Variants in SOX5 observed in about 807,000 individuals in gnomAD.
The protein encoded by SOX5 is SRY-box transcription factor 5.
SOX5 carries 9 observed loss-of-function variants against 92.0 expected under a neutral mutation model. That is an observed-to-expected ratio of 0.10 (90% CI 0.06 to 0.17). The LOEUF (loss-of-function observed/expected upper bound fraction) is 0.17, where lower values mean the gene tolerates loss of function less well. Ranked by LOEUF, SOX5 falls within the 10% of genes least tolerant of loss-of-function variation. The pLI, the probability that SOX5 is intolerant of heterozygous loss-of-function variation, is 1.00. For synonymous variants in SOX5, 344 were observed against 336.3 expected, an observed-to-expected ratio of 1.02 and a Z score of -0.25; for missense variants, 642 against 944.5, an observed-to-expected ratio of 0.68 and a Z score of 4.20.
At chr12:23,873,923 C>G (rs1417669508) in intron 2 of SOX5, among the ~76,000 whole-genome samples, 1 of 152,128 alleles carries the variant, frequency 6.6e-6, no homozygotes, top group African/African-American at 2.4e-5. Context: ...TTATAAAAAA[C>G]TCACCAGATG....
chr12:24,037,769 T>G (rs962836143), intron 4 of SOX5, among the ~76,000 whole-genome samples: 13 of 152,224 alleles, frequency 8.5e-5, no homozygotes, highest in Non-Finnish European at 2.9e-5. Context: ...TTATTCATTT[T>G]TACTAAAATA....
At chr12:24,474,562 G>A (rs1042343377) in intron 1 of SOX5, among the ~76,000 whole-genome samples, 8 of 152,206 alleles carry the variant, frequency 5.3e-5, no homozygotes, top group Non-Finnish European at 1.2e-4. Flanking sequence ...TTGAGACAGA[G>A]TCTAGCTCTG....
intron 4 of SOX5, among the ~76,000 whole-genome samples, chr12:24,165,706 T>C (rs962254162): frequency 6.6e-6 from 1 of 152,014 alleles, no homozygotes; most frequent in African/African-American, 2.4e-5. Context: ...GATGTGTAGG[T>C]TGATATGGCT....
At chr12:23,975,198 A>G (rs1052339068) in intron 4 of SOX5, among the ~76,000 whole-genome samples, 3 of 152,166 alleles carry the variant, frequency 2.0e-5, no homozygotes, top group African/African-American at 7.2e-5. Context: ...TTGCAAACAT[A>G]TTAAAATGTT....
At chr12:24,039,358 G>A (rs1466033395) in intron 4 of SOX5, among the ~76,000 whole-genome samples, 4 of 152,122 alleles carry the variant, frequency 2.6e-5, no homozygotes, top group African/African-American at 9.7e-5. Flanking sequence ...AAACTTTAAA[G>A]TATATTGTGT....
intron 6 of SOX5, among the ~76,000 whole-genome samples, chr12:23,678,096 T>C (rs991958725): frequency 6.6e-6 from 1 of 152,126 alleles, no homozygotes; most frequent in Non-Finnish European, 1.5e-5. Flanking sequence ...ATGTGTGAAA[T>C]TACCAAAAAG....
At chr12:23,766,374 G>A (rs1029132069) in intron 3 of SOX5, among the ~76,000 whole-genome samples, 1 of 152,078 alleles carries the variant, frequency 6.6e-6, no homozygotes, top group Non-Finnish European at 1.5e-5. Context: ...ATATTATCAA[G>A]AGCATAATAG....
intron 1 of SOX5, among the ~76,000 whole-genome samples, chr12:24,554,808 G>A (rs775786675): frequency 6.6e-5 from 10 of 152,012 alleles, no homozygotes; most frequent in South Asian, 2.1e-4. Context: ...CACCACAACC[G>A]CCTCCCCGCC....
intron 4 of SOX5, among the ~76,000 whole-genome samples, chr12:24,104,090 T>C (rs1361628763): frequency 6.6e-6 from 1 of 152,246 alleles, no homozygotes; most frequent in East Asian, 1.9e-4. Flanking sequence ...ATTTCAAATG[T>C]ATCCTCATGT....
chr12:24,229,021 T>C (rs1568561), intron 3 of SOX5, among the ~76,000 whole-genome samples: 92,351 of 152,096 alleles, frequency 0.61, 28,568 homozygotes, highest in East Asian at 0.73. Flanking sequence ...CAACCCCAAT[T>C]TCTCGTTTTA....
intron 3 of SOX5, among the ~76,000 whole-genome samples, chr12:23,807,165 T>G (rs901033286): frequency 6.6e-6 from 1 of 152,210 alleles, no homozygotes; most frequent in African/African-American, 2.4e-5. Flanking sequence ...GTGATTAGAT[T>G]AATTCATAGC....
chr12:23,853,260 C>A (rs2096652615), intron 2 of SOX5, among the ~76,000 whole-genome samples: 1 of 151,018 alleles, frequency 6.6e-6, no homozygotes, highest in Non-Finnish European at 1.5e-5. Flanking sequence ...TCTCAGATTT[C>A]CTAATTCACA....
intron 4 of SOX5, among the ~76,000 whole-genome samples, chr12:24,149,641 A>G (rs1486531262): frequency 1.3e-5 from 2 of 152,194 alleles, no homozygotes; most frequent in Non-Finnish European, 2.9e-5. Context: ...CATCTACCCT[A>G]TGATCCAGTC....
chr12:24,061,751 A>AC (rs1358718801), intron 4 of SOX5, among the ~76,000 whole-genome samples: 1 of 118,028 alleles, frequency 8.5e-6, no homozygotes, highest in Non-Finnish European at 1.8e-5. Flanking sequence ...ACAGAAAAAA[A>AC]AAAAAAAAAA....
At chr12:23,971,390 G>A (rs1037610932) in intron 4 of SOX5, among the ~76,000 whole-genome samples, 3 of 151,534 alleles carry the variant, frequency 2.0e-5, no homozygotes, top group Non-Finnish European at 4.4e-5. Context: ...CCAAAGTGCT[G>A]GGATTACAAG....
chr12:23,611,377 T>C (rs980654555), intron 8 of SOX5, among the ~76,000 whole-genome samples: 3 of 139,950 alleles, frequency 2.1e-5, no homozygotes, highest in Non-Finnish European at 4.8e-5. Context: ...TGCGTGTGTG[T>C]GTGTGTGTGT....
chr12:24,353,243 G>T (rs1036584298), intron 2 of SOX5, among the ~76,000 whole-genome samples: 7 of 152,170 alleles, frequency 4.6e-5, no homozygotes, highest in African/African-American at 1.7e-4. Flanking sequence ...GATTCACCAG[G>T]TCAGATCTGA....
intron 6 of SOX5, among the ~76,000 whole-genome samples, chr12:23,686,173 G>T (rs1029762410): frequency 2.6e-5 from 4 of 152,088 alleles, no homozygotes; most frequent in African/African-American, 7.2e-5. Context: ...ATAGTATCAG[G>T]TTCTTTTGAA....
At chr12:24,414,083 T>A (rs1453351961) in intron 1 of SOX5, among the ~76,000 whole-genome samples, 3 of 152,222 alleles carry the variant, frequency 2.0e-5, no homozygotes, top group Non-Finnish European at 4.4e-5. Flanking sequence ...CTTGTTCATC[T>A]CCCATTTATA....
Sources: allele counts gnomAD v4.1 joint callset (sites outside exome capture counted in the v4.1 genomes callset), GRCh38; gene constraint gnomAD v4.1.1; transcripts MANE v1.5; gene names NCBI Gene and HGNC (gene_info 2026-07-23, HGNC 2026-07-21).